NFIB: variants seen among roughly 807,000 people sequenced by gnomAD.
The protein encoded by NFIB is nuclear factor 1 B-type.
In NFIB, 11 loss-of-function variants were observed where a neutral mutation model predicts 61.5. The observed-to-expected ratio is 0.18, with a 90% CI of 0.11 to 0.30. NFIB has a LOEUF of 0.30. Among genes scored for constraint, NFIB ranks in the 10% least tolerant of loss-of-function variants. The pLI is 1.00. For synonymous variants in NFIB, 260 were observed against 216.5 expected (o/e 1.20, Z -1.76); for missense variants, 471 against 608.9 (o/e 0.77, Z 2.38).
chr9:14,398,889 A>T (rs146895106), exon 1 of NFIB: 1 of 370,958 alleles, frequency 2.7e-6, no homozygotes, highest in East Asian at 4.6e-5. Flanking sequence ...TTGCTCCGAC[A>T]TGTGAATCTT....
chr9:14,138,146 G>A (rs1242935376), intron 6 of NFIB, among the ~76,000 whole-genome samples: 3 of 152,076 alleles, frequency 2.0e-5, no homozygotes, highest in Non-Finnish European at 4.4e-5. Context: ...AGCATGATCA[G>A]TTTAGTAAGC....
chr9:14,402,046 G>A (rs2061747706), upstream of NFIB, among the ~76,000 whole-genome samples: 1 of 152,086 alleles, frequency 6.6e-6, no homozygotes, highest in South Asian at 2.1e-4. Context: ...CTTTTTACAA[G>A]GCATATGGAA....
At chr9:14,491,833 G>A in the NFIB span, among the ~76,000 whole-genome samples, 1 of 152,024 alleles carries the variant, frequency 6.6e-6, no homozygotes, top group Non-Finnish European at 1.5e-5. Flanking sequence ...CATAAAGGAG[G>A]CCCAAAATAT....
the NFIB span, among the ~76,000 whole-genome samples, chr9:14,482,772 A>G: frequency 6.6e-6 from 1 of 152,234 alleles, no homozygotes; most frequent in East Asian, 1.9e-4. Flanking sequence ...TTAAACCTGT[A>G]TGCCACTTGC....
intron 1 of NFIB, among the ~76,000 whole-genome samples, chr9:14,356,759 G>A (rs1236201365): frequency 6.6e-6 from 1 of 152,150 alleles, no homozygotes; most frequent in Non-Finnish European, 1.5e-5. Flanking sequence ...ACTTAATTAT[G>A]AATAATGATA....
intron 2 of NFIB, among the ~76,000 whole-genome samples, chr9:14,217,372 CA>C (rs1203292119): frequency 6.6e-6 from 1 of 152,076 alleles, no homozygotes; most frequent in East Asian, 1.9e-4. Flanking sequence ...TTAAAATATA[CA>C]AACTAGGCTG....
At chr9:14,285,433 C>A (rs918184902) in intron 2 of NFIB, among the ~76,000 whole-genome samples, 1 of 152,174 alleles carries the variant, frequency 6.6e-6, no homozygotes, top group African/African-American at 2.4e-5. Context: ...TATTTCAATT[C>A]TTTTTAGTGT....
chr9:14,502,357 A>G, the NFIB span, among the ~76,000 whole-genome samples: 50 of 152,342 alleles, frequency 3.3e-4, no homozygotes, highest in African/African-American at 1.2e-3. Flanking sequence ...AATTGCAGAT[A>G]AGGGATTGAG....
At chr9:14,190,274 ATG>A (rs1429608407) in intron 2 of NFIB, among the ~76,000 whole-genome samples, 4 of 152,216 alleles carry the variant, frequency 2.6e-5, no homozygotes, top group Non-Finnish European at 5.9e-5. Context: ...ATAAAAATAA[ATG>A]TATACATTTA....
chr9:14,177,484 G>C (rs1259186331), intron 3 of NFIB, among the ~76,000 whole-genome samples: 1 of 151,950 alleles, frequency 6.6e-6, no homozygotes, highest in Non-Finnish European at 1.5e-5. Flanking sequence ...GTCCAAAATA[G>C]AATTCCTTAA....
intron 2 of NFIB, among the ~76,000 whole-genome samples, chr9:14,230,206 G>C (rs1296977235): frequency 6.6e-6 from 1 of 152,202 alleles, no homozygotes; most frequent in Non-Finnish European, 1.5e-5. Context: ...GGGACAGGGA[G>C]AAAGCCATTC....
At chr9:14,344,879 T>C (rs1331599987) in intron 1 of NFIB, among the ~76,000 whole-genome samples, 1 of 152,112 alleles carries the variant, frequency 6.6e-6, no homozygotes, top group African/African-American at 2.4e-5. Flanking sequence ...GCCATCAAGA[T>C]TAGAAATACA....
the NFIB span, among the ~76,000 whole-genome samples, chr9:14,489,930 T>C: frequency 2.6e-5 from 4 of 152,162 alleles, no homozygotes; most frequent in African/African-American, 9.6e-5. Flanking sequence ...TGGATATTCA[T>C]GTGGTTTTCA....
the NFIB span, among the ~76,000 whole-genome samples, chr9:14,507,085 G>A: frequency 3.9e-5 from 6 of 152,084 alleles, no homozygotes; most frequent in Admixed American, 1.3e-4. Context: ...AAAGTTTTTA[G>A]AGCAATGCAC....
At chr9:14,090,643 GAAGT>G (rs2118538649) in intron 10 of NFIB, among the ~76,000 whole-genome samples, 1 of 152,086 alleles carries the variant, frequency 6.6e-6, no homozygotes, top group South Asian at 2.1e-4. Context: ...TTTTTAACTT[GAAGT>G]AAGAAGCATG....
In NFIB at chr9:14,128,311, G is replaced by T. The variant is rs149919060; in HGVS notation, c.926-2545C>A. ...ATTGATACTCTTCTGCTTTACCTAT[G>T]TTTAAATATAAATTTCAAGTAAAAT... On this transcript the variant is annotated intron_variant, in intron 6 of 10. Transcript: ENST00000380953. Among the ~76,000 whole-genome samples, 1,320 of 152,242 alleles carry T rather than the reference G, an allele frequency of 8.7e-3. 11 individuals carry two copies. The highest frequency in any genetic ancestry group is 0.011 in the Non-Finnish European group (774 of 68,012).
chr9:14,517,220 AT>A, the NFIB span, among the ~76,000 whole-genome samples: 1 of 152,116 alleles, frequency 6.6e-6, no homozygotes, highest in Non-Finnish European at 1.5e-5. Context: ...TAACCTCCAA[AT>A]TTCCCCCCAC....
At chr9:14,092,848 CTA>C (rs1390714417) in intron 10 of NFIB, among the ~76,000 whole-genome samples, 3 of 151,976 alleles carry the variant, frequency 2.0e-5, no homozygotes, top group African/African-American at 4.8e-5. Flanking sequence ...TGCACTATTT[CTA>C]TATGTCTTAT....
intron 2 of NFIB, among the ~76,000 whole-genome samples, chr9:14,212,822 G>A (rs2050455926): frequency 6.6e-6 from 1 of 152,174 alleles, no homozygotes; most frequent in African/African-American, 2.4e-5. Flanking sequence ...TAACAACTGT[G>A]TTAGGTAGAT....
Sources: gnomAD v4.1 joint callset for allele counts (sites outside exome capture counted in the v4.1 genomes callset) on GRCh38, gnomAD v4.1.1 for gene constraint, MANE v1.5 for transcripts, NCBI Gene and HGNC (gene_info 2026-07-23, HGNC 2026-07-21) for gene names.